The following CNTNAP3B variants were observed in gnomAD, a reference collection of about 807,000 sequenced individuals.
The protein encoded by CNTNAP3B is contactin associated protein family member 3B, also known as contactin-associated protein-like 3B.
In CNTNAP3B, 25 loss-of-function variants were observed where a neutral mutation model predicts 108.9. That is an observed-to-expected ratio of 0.23 (90% CI 0.17 to 0.32). CNTNAP3B has a LOEUF of 0.32. Ranked by LOEUF, CNTNAP3B falls within the 10% of genes least tolerant of loss-of-function variation. The probability of loss-of-function intolerance (pLI) is 1.00; values close to 1 mark genes in which losing one functional copy is unlikely to be tolerated. For missense variants in CNTNAP3B, 252 were observed against 1,210.4 expected (o/e 0.21, Z 11.75); for synonymous variants, 103 against 473.4 (o/e 0.22, Z 10.16).
At chr9:41,924,673 A>G (rs1588042384) in intron 15 of CNTNAP3B, among the ~76,000 whole-genome samples, 1 of 151,420 alleles carries the variant, frequency 6.6e-6, no homozygotes, top group Admixed American at 6.6e-5. Flanking sequence ...ACACACACAC[A>G]CACACACACA....
chr9:42,077,522 C>T (rs1827517423), intron 2 of CNTNAP3B, among the ~76,000 whole-genome samples: 1 of 133,348 alleles, frequency 7.5e-6, no homozygotes, highest in Non-Finnish European at 1.6e-5. Context: ...AGAGTTAAAA[C>T]ATAGAGTGCT....
At chr9:42,095,125 C>T (rs1827873700) in intron 2 of CNTNAP3B, among the ~76,000 whole-genome samples, 1 of 135,898 alleles carries the variant, frequency 7.4e-6, no homozygotes, top group African/African-American at 3.0e-5. Flanking sequence ...ATTATTATTC[C>T]TATCTACCCA....
chr9:41,940,552 G>A (rs1418365134), intron 13 of CNTNAP3B, among the ~76,000 whole-genome samples: 36 of 151,362 alleles, frequency 2.4e-4, no homozygotes, highest in African/African-American at 7.6e-4. Context: ...GGGTGCGGTG[G>A]CTCACGCCTG....
intron 4 of CNTNAP3B, among the ~76,000 whole-genome samples, chr9:42,002,839 A>G (rs1482692281): frequency 7.4e-6 from 1 of 135,204 alleles, no homozygotes; most frequent in Non-Finnish European, 1.6e-5. Flanking sequence ...AGACATAAGT[A>G]ATTTTGAGTT....
chr9:41,936,009 C>G (rs1368722259), intron 14 of CNTNAP3B, among the ~76,000 whole-genome samples: 1 of 152,248 alleles, frequency 6.6e-6, no homozygotes, highest in Non-Finnish European at 1.5e-5. Flanking sequence ...GGTTACTGCC[C>G]TAAGCATACG....
intron 2 of CNTNAP3B, among the ~76,000 whole-genome samples, chr9:42,097,355 C>T (rs1239226560): frequency 1.4e-5 from 2 of 139,836 alleles, no homozygotes; most frequent in Middle Eastern, 3.5e-3. Context: ...GGTAAAACTG[C>T]CCCACGCAGA....
chr9:42,021,855 G>A (rs1349952370), intron 3 of CNTNAP3B, among the ~76,000 whole-genome samples: 2 of 137,892 alleles, frequency 1.5e-5, no homozygotes, highest in Non-Finnish European at 3.1e-5. Context: ...AATTGAAACT[G>A]CCTTTGCACA....
rs764279634 is a variant in CNTNAP3B, at chr9:41,929,491, C to G, written c.2238-47G>C. ...CATTAAAATTATTCTGATTAACATA[C>G]GGGCAAAATTAACTCTGATCTCTTA... is the stretch of plus-strand genomic sequence containing the variant. On this transcript the variant is annotated intron_variant, in intron 14 of 23. Transcript: ENST00000377561. 2.7e-6 allele frequency: 4 copies of G among 1,506,702 alleles called. 1 individual carries two copies. The East Asian group carries it at 9.5e-5, about 36-fold the overall frequency. The allele number at this position is 1,506,702 out of a possible 1,614,324, so 93.3% of individuals were successfully genotyped here.
chr9:41,930,483 T>C (rs1315239204), intron 14 of CNTNAP3B, among the ~76,000 whole-genome samples: 1 of 152,228 alleles, frequency 6.6e-6, no homozygotes, highest in Non-Finnish European at 1.5e-5. Context: ...GTAGAGGCTG[T>C]AGTGAGCCAT....
intron 16 of CNTNAP3B, among the ~76,000 whole-genome samples, chr9:41,923,665 G>A (rs1392219387): frequency 2.6e-5 from 4 of 152,296 alleles, no homozygotes; most frequent in African/African-American, 9.6e-5. Flanking sequence ...AGGAGACTGA[G>A]GCAGGAGAAT....
intron 20 of CNTNAP3B, 84 bp downstream of exon 20, chr9:41,906,770 A>C (rs1823408407): frequency 9.9e-7 from 1 of 1,006,718 alleles, no homozygotes; most frequent in Non-Finnish European, 1.4e-6. Context: ...TTCTATTAAT[A>C]TTTATTATCA....
intron 3 of CNTNAP3B, among the ~76,000 whole-genome samples, chr9:42,067,673 TA>T: frequency 7.2e-6 from 1 of 139,818 alleles, no homozygotes; most frequent in East Asian, 2.2e-4. Context: ...CAGGCTCCCA[TA>T]AAAAAGGCAT....
At chr9:41,922,489 A>C (rs1254122317) in intron 17 of CNTNAP3B, among the ~76,000 whole-genome samples, 188 bp downstream of exon 17, 2 of 142,248 alleles carry the variant, frequency 1.4e-5, no homozygotes, top group African/African-American at 2.8e-5. Flanking sequence ...AAACAAAAAC[A>C]AACAAACAAA....
intron 13 of CNTNAP3B, among the ~76,000 whole-genome samples, chr9:41,942,636 T>TA (rs534894864): frequency 0.044 from 6,218 of 141,488 alleles, 17 homozygotes; most frequent in African/African-American, 0.13. Flanking sequence ...ATAAAAACAT[T>TA]AAAAAAAAAA....
At chr9:41,958,852 TGA>T (rs1824962604) in intron 12 of CNTNAP3B, among the ~76,000 whole-genome samples, 1 of 145,658 alleles carries the variant, frequency 6.9e-6, no homozygotes, top group African/African-American at 2.6e-5. Context: ...TCTGGAAGCA[TGA>T]GGAGATTTTT....
intron 12 of CNTNAP3B, 55 bp from the exon 13 acceptor site, chr9:41,953,441 A>G: frequency 1.3e-6 from 2 of 1,513,298 alleles, no homozygotes; most frequent in Non-Finnish European, 8.9e-7. Flanking sequence ...GCCAGCAGCA[A>G]GAGGCAAAGC....
At chr9:41,993,945 G>A (rs1825850256) in intron 7 of CNTNAP3B, 1 of 142,220 alleles carries the variant, frequency 7.0e-6, no homozygotes, top group Non-Finnish European at 1.5e-5. Context: ...AATGTAATTA[G>A]TAAATAGTTT....
At chr9:42,070,751 T>A (rs1827358763) in intron 3 of CNTNAP3B, among the ~76,000 whole-genome samples, 1 of 152,170 alleles carries the variant, frequency 6.6e-6, no homozygotes, top group African/African-American at 2.4e-5. Flanking sequence ...CCTCTGACCT[T>A]CCTTCTGCCC....
chr9:41,923,823 G>T, intron 16 of CNTNAP3B, 100 bp downstream of exon 16: 2 of 1,503,654 alleles, frequency 1.3e-6, no homozygotes, highest in East Asian at 2.3e-5. Flanking sequence ...TAATGAAATA[G>T]AATCACAAAG....
Sources: allele counts gnomAD v4.1 joint callset (sites outside exome capture counted in the v4.1 genomes callset), GRCh38; gene constraint gnomAD v4.1.1; transcripts MANE v1.5; gene names NCBI Gene and HGNC (gene_info 2026-07-23, HGNC 2026-07-21).